MLIP: variants seen among roughly 807,000 people sequenced by gnomAD.
MLIP encodes the protein muscular LMNA-interacting protein.
Under a neutral mutation model 84.8 loss-of-function variants are expected in MLIP, and 79 were observed. The observed-to-expected ratio is 0.93, with a 90% CI of 0.78 to 1.12. MLIP has a LOEUF of 1.12. MLIP is among the 50% of genes most tolerant of loss of function. MLIP has a pLI of 0.00. For synonymous variants in MLIP, 504 were observed against 463.0 expected, an observed-to-expected ratio of 1.09 and a Z score of -1.14; for missense variants, 1,257 against 1,160.6, an observed-to-expected ratio of 1.08 and a Z score of -1.21.
At chr6:54,123,670 C>A (rs1770661708) in intron 2 of MLIP, among the ~76,000 whole-genome samples, 1 of 152,046 alleles carries the variant, frequency 6.6e-6, no homozygotes, top group Admixed American at 6.6e-5. Context: ...ATAATTTTAG[C>A]CTTACAGAAA....
intron 10 of MLIP, among the ~76,000 whole-genome samples, chr6:54,196,756 A>G (rs1036576909): frequency 1.2e-4 from 19 of 152,134 alleles, no homozygotes; most frequent in Non-Finnish European, 1.8e-4. Flanking sequence ...GATGTTGGAG[A>G]TACAAGAGTG....
intron 1 of MLIP, among the ~76,000 whole-genome samples, chr6:54,048,120 G>T (rs778386450): frequency 6.6e-6 from 1 of 152,160 alleles, no homozygotes; most frequent in Non-Finnish European, 1.5e-5. Context: ...GGTATTTCTA[G>T]ATTTAGGCAT....
At chr6:54,101,025 C>T (rs1243020685) in intron 1 of MLIP, among the ~76,000 whole-genome samples, 1 of 152,148 alleles carries the variant, frequency 6.6e-6, no homozygotes, top group African/African-American at 2.4e-5. Flanking sequence ...CAAAACAACA[C>T]TTTGGTCTAA....
intron 1 of MLIP, among the ~76,000 whole-genome samples, chr6:54,089,198 C>T (rs1190299046): frequency 6.6e-6 from 1 of 152,096 alleles, no homozygotes; most frequent in Non-Finnish European, 1.5e-5. Context: ...TAGACATTCT[C>T]TACATATGTA....
Position 54,137,572 on chromosome 6 carries a change from G to A in MLIP, c.1503G>A (p.Pro501=), listed in dbSNP as rs570107272. The A allele has an allele frequency of 6.5e-6, 10 of 1,536,084 alleles. No homozygotes were observed. The highest frequency in any genetic ancestry group is 3.9e-5 in the Admixed American group (2 of 50,992). The change falls in exon 4 of 14, where the codon CCG becomes CCA. Residue 501 remains proline (P), a synonymous_variant. Coordinates refer to ENST00000502396, the MANE Select transcript of MLIP (RefSeq NM_001281747.2). ...TGCCTGTTTTCACCAAGTCTACTCC[G>A]CTTTCTCAGGCGCCCTCCCTCTCTC... ...FHLPVFTKST[P]LSQAPSLSPT...
chr6:54,258,123 C>T (rs1277959336), intron 13 of MLIP, among the ~76,000 whole-genome samples: 1 of 151,960 alleles, frequency 6.6e-6, no homozygotes, highest in Admixed American at 6.6e-5. Flanking sequence ...AAAAACTTAT[C>T]TCTGAGAAGG....
chr6:54,187,559 T>G (rs1375645659), intron 9 of MLIP, among the ~76,000 whole-genome samples: 5 of 152,224 alleles, frequency 3.3e-5, no homozygotes, highest in African/African-American at 1.2e-4. Flanking sequence ...TAACTTCAAT[T>G]GCCATGTTAA....
At chr6:54,028,148 A>G (rs1331711036) in intron 1 of MLIP, among the ~76,000 whole-genome samples, 1 of 152,162 alleles carries the variant, frequency 6.6e-6, no homozygotes, top group Non-Finnish European at 1.5e-5. Flanking sequence ...TGGTTAGAGG[A>G]TGTTTGTAGT....
At chr6:54,027,392 C>A (rs1319622090) in intron 1 of MLIP, among the ~76,000 whole-genome samples, 1 of 112,664 alleles carries the variant, frequency 8.9e-6, no homozygotes, top group Non-Finnish European at 2.2e-5. Context: ...CACACACACA[C>A]ACACACACAC....
At chr6:54,143,780 A>G (rs1024558227) in intron 4 of MLIP, among the ~76,000 whole-genome samples, 5 of 152,182 alleles carry the variant, frequency 3.3e-5, no homozygotes, top group African/African-American at 9.6e-5. Flanking sequence ...GTAATTTTCA[A>G]TTAGATATTT....
chr6:54,120,231 C>T (rs1172365649), intron 1 of MLIP, among the ~76,000 whole-genome samples: 2 of 133,626 alleles, frequency 1.5e-5, no homozygotes, highest in Admixed American at 7.7e-5. Flanking sequence ...CTTGCGACTT[C>T]TTTTTTTTAT....
chr6:54,170,333 A>G (rs553982359), intron 9 of MLIP, among the ~76,000 whole-genome samples: 2 of 151,824 alleles, frequency 1.3e-5, no homozygotes, highest in Admixed American at 1.3e-4. Context: ...GTAAATAGTT[A>G]TTAAATGTGT....
In MLIP at chr6:54,184,236, G is replaced by A. The variant is rs141052419; in HGVS notation, c.2545-5634G>A. 5.8e-4 allele frequency among the ~76,000 whole-genome samples: 89 copies of A among 152,264 alleles called. 1 individual carries two copies. Among genetic ancestry groups the A allele is most frequent in the African/African-American group, 2.0e-3 (83 of 41,558 alleles). ...CAGTTAGAGTCAACAGAGAAAAAGG[G>A]AAAAGAAGCATCTTAACGGTATCAA... On this transcript the variant is annotated intron_variant, in intron 9 of 13. Transcript: ENST00000502396.
intron 11 of MLIP, among the ~76,000 whole-genome samples, chr6:54,218,481 A>G (rs28837994): frequency 0.031 from 4,703 of 152,260 alleles, 215 homozygotes; most frequent in African/African-American, 0.11. Context: ...CATTACTTGT[A>G]CATTATTGTA....
At position 54,137,638 on chromosome 6, in the gene MLIP, A is replaced by G; in HGVS notation, c.1569A>G (p.Val523=). Residue 523 remains valine (V), a synonymous_variant, in exon 4 of 14, where the codon GTA becomes GTG. Transcript: ENST00000502396. ...GTAGCAGCCTTGCTTCCATGAATGT[A>G]GAGAGAACACCATCACCTACTTTGA... ...QASSSLASMN[V]ERTPSPTLKS... is the part of the protein sequence containing the mutation. 6.5e-7 allele frequency: 1 copy of G among 1,536,110 alleles called. No homozygotes were observed. The highest frequency in any genetic ancestry group is 8.7e-7 in the Non-Finnish European group (1 of 1,146,898).
intron 2 of MLIP, 77 bp from the exon 3 acceptor site, chr6:54,124,396 C>T (rs1770724461): frequency 3.0e-6 from 4 of 1,351,240 alleles, no homozygotes; most frequent in Non-Finnish European, 3.0e-6. Context: ...GGAGGTTAAG[C>T]TTTTCAGTGT....
At chr6:54,155,163 C>G (rs768334750) in intron 5 of MLIP, among the ~76,000 whole-genome samples, 49 of 152,000 alleles carry the variant, frequency 3.2e-4, no homozygotes, top group Non-Finnish European at 1.5e-4. Flanking sequence ...TAAAGAAACC[C>G]TACTTTATAT....
At chr6:54,162,405 G>C (rs982208988) in intron 8 of MLIP, among the ~76,000 whole-genome samples, 1 of 151,994 alleles carries the variant, frequency 6.6e-6, no homozygotes, top group African/African-American at 2.4e-5. Context: ...TGAGAAACTG[G>C]GTTAAGCACT....
chr6:54,224,110 C>T (rs977894483), intron 11 of MLIP, among the ~76,000 whole-genome samples: 1 of 151,766 alleles, frequency 6.6e-6, no homozygotes, highest in Non-Finnish European at 1.5e-5. Flanking sequence ...GACTTTATAG[C>T]ATTAGAAAAC....
Sources: gnomAD v4.1 joint callset for allele counts (sites outside exome capture counted in the v4.1 genomes callset) on GRCh38, gnomAD v4.1.1 for gene constraint, MANE v1.5 for transcripts, NCBI Gene and HGNC (gene_info 2026-07-23, HGNC 2026-07-21) for gene names.